FRMPD4: variants seen among roughly 807,000 people sequenced by gnomAD.
FRMPD4 encodes FERM and PDZ domain containing 4.
Under a neutral mutation model 94.1 loss-of-function variants are expected in FRMPD4, and 22 were observed. The observed-to-expected ratio is 0.23, with a 90% CI of 0.17 to 0.33. The LOEUF (loss-of-function observed/expected upper bound fraction) is 0.33. Ranked by LOEUF, FRMPD4 falls within the 10% of genes least tolerant of loss-of-function variation. The pLI, the probability that FRMPD4 is intolerant of heterozygous loss-of-function variation, is 1.00. For synonymous variants in FRMPD4, 631 were observed against 548.6 expected, an observed-to-expected ratio of 1.15 and a Z score of -2.10; for missense variants, 1,111 against 1,339.9, an observed-to-expected ratio of 0.83 and a Z score of 2.67.
At chrX:12,619,832 C>G (rs1256553622) in intron 4 of FRMPD4, among the ~76,000 whole-genome samples, 1 of 111,423 alleles carries the variant, frequency 9.0e-6, no homozygotes, top group Admixed American at 9.5e-5. Context: ...GTTCATACCC[C>G]CAGAGGTAGG....
intron 1 of FRMPD4, among the ~76,000 whole-genome samples, chrX:12,489,402 G>A (rs1189857799): frequency 1.8e-5 from 2 of 112,275 alleles, no homozygotes; most frequent in Admixed American, 9.4e-5. Context: ...TGAATATTTC[G>A]TATACATGTT....
intron 1 of FRMPD4, among the ~76,000 whole-genome samples, chrX:12,273,058 C>G (rs777453330): frequency 1.9e-5 from 2 of 105,569 alleles, no homozygotes; most frequent in South Asian, 8.5e-4. Context: ...GCCTGGGTGA[C>G]AGAGCAAGAC....
chrX:12,457,083 T>C (rs2057341159), intron 1 of FRMPD4, among the ~76,000 whole-genome samples: 1 of 112,547 alleles, frequency 8.9e-6, no homozygotes, highest in Non-Finnish European at 1.9e-5. Context: ...ATCTAAATCC[T>C]GTAGACTGTC....
At chrX:12,293,864 C>T (rs2054729042) in intron 1 of FRMPD4, among the ~76,000 whole-genome samples, 1 of 112,191 alleles carries the variant, frequency 8.9e-6, no homozygotes, top group Non-Finnish European at 1.9e-5. Flanking sequence ...TTCATTAAAG[C>T]TATCTTTGAC....
chrX:12,405,722 A>G (rs1328435705), intron 1 of FRMPD4, among the ~76,000 whole-genome samples: 7 of 111,813 alleles, frequency 6.3e-5, no homozygotes, highest in Non-Finnish European at 1.9e-5. Context: ...ATTAGTGACT[A>G]AAGGCAAATG....
At chrX:12,033,946 C>T (rs1303092782) in intron 3 of FRMPD4, among the ~76,000 whole-genome samples, 1 of 112,507 alleles carries the variant, frequency 8.9e-6, no homozygotes, top group African/African-American at 3.2e-5. Context: ...ATCCGCCCGC[C>T]TCGGCCTCCC....
chrX:12,205,562 C>A (rs1465697656), intron 1 of FRMPD4, among the ~76,000 whole-genome samples: 1 of 111,580 alleles, frequency 9.0e-6, no homozygotes, highest in African/African-American at 3.3e-5. Flanking sequence ...TAGTTTGATT[C>A]TTTCTGTATA....
chrX:12,170,181 CAG>C (rs1177454900), intron 1 of FRMPD4, among the ~76,000 whole-genome samples: 3 of 91,555 alleles, frequency 3.3e-5, no homozygotes, highest in East Asian at 3.1e-4. Flanking sequence ...AAATTTTCCA[CAG>C]AGTTTTTTTT....
In FRMPD4 at chrX:12,674,852, C is replaced by T; in HGVS notation, c.423-11C>T. The T allele has an allele frequency of 9.0e-7, 1 of 1,112,714 alleles. No homozygotes were observed. Among genetic ancestry groups the T allele is most frequent in the Non-Finnish European group, 1.2e-6 (1 of 805,230 alleles). The allele number at this position is 1,112,714 out of a possible 1,213,427, so 91.7% of individuals were successfully genotyped here. ...GCATATCATAAATATGTTTGTTTTT[C>T]TCTCTTACAGAAGCTGCAAAGAATC... On this transcript the variant is annotated splice_polypyrimidine_tract_variant and intron_variant, in intron 4 of 16. Transcript: ENST00000675598.
intron 1 of FRMPD4, among the ~76,000 whole-genome samples, chrX:12,439,417 C>T (rs923548739): frequency 3.6e-5 from 4 of 111,355 alleles, no homozygotes; most frequent in East Asian, 2.8e-4. Flanking sequence ...TTGTTCTTGA[C>T]GCTTAGCAAG....
In FRMPD4 at chrX:12,716,959, A is replaced by G; in HGVS notation, c.2500A>G (p.Lys834Glu). ...CCAGGCAGCTTCCTTCCCCGAGGAC[A>G]AGGAGAAAGGCAGCAGCCTGCAAAA... ...QSQAASFPED[K>E]EKGSSLQNDE... Residue 834 changes from lysine (K) to glutamate (E), a missense_variant, in exon 15 of 17, where the codon AAG becomes GAG. By Grantham distance (56) the Lys-to-Glu change is moderately conservative. Transcript: ENST00000675598. 2 of 1,211,440 alleles carry G rather than the reference A, an allele frequency of 1.7e-6. No individual in the cohort carries two copies. Among genetic ancestry groups the G allele is most frequent in the Non-Finnish European group, 2.2e-6 (2 of 894,905 alleles).
At chrX:12,182,148 A>T (rs1415333409) in intron 1 of FRMPD4, among the ~76,000 whole-genome samples, 2 of 111,638 alleles carry the variant, frequency 1.8e-5, no homozygotes, top group Non-Finnish European at 3.8e-5. Flanking sequence ...AAATAAAAAC[A>T]GAGTGGAGTT....
At chrX:12,365,665 T>A (rs1487553211) in intron 1 of FRMPD4, among the ~76,000 whole-genome samples, 2 of 111,835 alleles carry the variant, frequency 1.8e-5, no homozygotes, top group South Asian at 7.6e-4. Context: ...TTCTCCTTCA[T>A]CTCTTTGGAT....
intron 1 of FRMPD4, among the ~76,000 whole-genome samples, chrX:12,330,378 A>G (rs1253755227): frequency 9.0e-6 from 1 of 111,467 alleles, no homozygotes; most frequent in Non-Finnish European, 1.9e-5. Context: ...AAAATGCTAG[A>G]AAAAATTACT....
At chrX:11,979,030 A>G (rs774365379) in intron 3 of FRMPD4, among the ~76,000 whole-genome samples, 31 of 111,462 alleles carry the variant, frequency 2.8e-4, no homozygotes, top group Non-Finnish European at 3.2e-4. Context: ...AGTACAGTTT[A>G]AAGAAGGAAA....
At chrX:12,268,896 G>A (rs912738359) in intron 1 of FRMPD4, among the ~76,000 whole-genome samples, 6 of 111,965 alleles carry the variant, frequency 5.4e-5, no homozygotes, top group Non-Finnish European at 9.4e-5. Flanking sequence ...CCTGTATTTC[G>A]ATCACATGCT....
chrX:12,052,708 CA>C (rs973279067), intron 3 of FRMPD4, among the ~76,000 whole-genome samples: 19 of 106,475 alleles, frequency 1.8e-4, no homozygotes, highest in Non-Finnish European at 2.1e-4. Context: ...TTTTGTGTCT[CA>C]AAAAAAAAAG....
chrX:12,080,615 C>T (rs1355934562), intron 3 of FRMPD4, among the ~76,000 whole-genome samples: 1 of 112,218 alleles, frequency 8.9e-6, no homozygotes, highest in Non-Finnish European at 1.9e-5. Context: ...TACCTTGAAA[C>T]CATAAGAAAA....
intron 3 of FRMPD4, among the ~76,000 whole-genome samples, chrX:12,033,385 G>C (rs780764478): frequency 6.6e-4 from 73 of 111,438 alleles, no homozygotes; most frequent in African/African-American, 2.3e-3. Flanking sequence ...AGAATTATTT[G>C]AGTTTAAGAT....
Sources: allele counts gnomAD v4.1 joint callset (sites outside exome capture counted in the v4.1 genomes callset), GRCh38; gene constraint gnomAD v4.1.1; transcripts MANE v1.5; gene names NCBI Gene and HGNC (gene_info 2026-07-23, HGNC 2026-07-21).